The following MAGOH variants were observed in gnomAD, a reference collection of about 807,000 sequenced individuals.
The protein encoded by MAGOH is protein mago nashi homolog.
In MAGOH, 3 loss-of-function variants were observed where a neutral mutation model predicts 20.9. That is an observed-to-expected ratio of 0.14 (90% confidence interval 0.07 to 0.37). The LOEUF is 0.37. Ranked by LOEUF, MAGOH falls within the 10% of genes least tolerant of loss-of-function variation. The pLI, the probability that MAGOH is intolerant of heterozygous loss-of-function variation, is 1.00. For missense variants in MAGOH, 66 were observed against 178.1 expected (o/e 0.37, Z 3.58); for synonymous variants, 51 against 61.0 (o/e 0.84, Z 0.76).
rs1645598380 is a variant in MAGOH at position 53,233,865 on chromosome 1, T to A, written c.148-213A>T. On this transcript the variant is annotated intron_variant, in intron 2 of 4. Coordinates refer to ENST00000371470, the MANE Select transcript of MAGOH (RefSeq NM_002370.4). Reference sequence around the variant, plus strand: ...GCACCTCAGTCCCCTATCTAGCTGTTACTACCTCCTGGTACATCCTGTTCA... The same window carrying A: ...GCACCTCAGTCCCCTATCTAGCTGTAACTACCTCCTGGTACATCCTGTTCA... 1.3e-5 allele frequency: 6 copies of A among 460,712 alleles called. No individual in the cohort carries two copies. The East Asian group carries it at 2.4e-4, about 18-fold the overall frequency. 28.5% of individuals were successfully genotyped at this position (460,712 alleles called of 1,614,324 possible).
In MAGOH at chr1:53,233,659, G is replaced by GC. The variant is rs756467865; in HGVS notation, c.148-8dup. 1.3e-6 allele frequency: 2 copies of GC among 1,579,610 alleles called. No homozygotes were observed. The highest frequency in any genetic ancestry group is 1.1e-5 in the South Asian group (1 of 89,880). On this transcript the variant is annotated splice_region_variant and splice_polypyrimidine_tract_variant and intron_variant, in intron 2 of 4. Transcript: ENST00000371470. ...CGCTTTTATGTACATAAGCCTGAAC[G>GC]CAAGTTAAAAAACAAAATGTATGTT...
Position 53,235,572 on chromosome 1 carries a change from C to A in MAGOH, c.147+5G>T. 6.2e-7 allele frequency: 1 copy of A among 1,613,388 alleles called. No individual in the cohort carries two copies. Among genetic ancestry groups the A allele is most frequent in the Non-Finnish European group, 8.5e-7 (1 of 1,179,480 alleles). ...AAGGACTCTCAGAAGGCAGAAGGCT[C>A]ATACCTCTTTTCTGATCATGACATC... On this transcript the variant is annotated splice_donor_5th_base_variant and intron_variant, in intron 2 of 4. Transcript: ENST00000371470.
intron 3 of MAGOH, among the ~76,000 whole-genome samples, chr1:53,231,766 G>T (rs1645587824): frequency 6.6e-6 from 1 of 152,006 alleles, no homozygotes; most frequent in Non-Finnish European, 1.5e-5. Flanking sequence ...GATTTTCCAT[G>T]AATTTAATGC....
intron 1 of MAGOH, among the ~76,000 whole-genome samples, chr1:53,235,961 C>A (rs1370352305): frequency 6.6e-6 from 1 of 152,196 alleles, no homozygotes; most frequent in East Asian, 1.9e-4. Context: ...TAACTGATAA[C>A]TTACCGACAC....
intron 3 of MAGOH, among the ~76,000 whole-genome samples, chr1:53,229,995 A>C (rs1365722310): frequency 1.3e-5 from 2 of 152,140 alleles, no homozygotes; most frequent in Non-Finnish European, 2.9e-5. Context: ...TTTGATCCCC[A>C]CTTTGTCACT....
At chr1:53,228,069 C>T (rs1191203652) in intron 4 of MAGOH, among the ~76,000 whole-genome samples, 1 of 152,180 alleles carries the variant, frequency 6.6e-6, no homozygotes, top group Non-Finnish European at 1.5e-5. Flanking sequence ...ACTTGATAAT[C>T]TGCCCCACTG....
chr1:53,234,901 G>A (rs111408142), intron 2 of MAGOH, among the ~76,000 whole-genome samples: 16 of 152,230 alleles, frequency 1.1e-4, no homozygotes, highest in South Asian at 1.0e-3. Context: ...ATCACAGAAC[G>A]GAGAATACAA....
intron 2 of MAGOH, among the ~76,000 whole-genome samples, chr1:53,234,999 C>T (rs1645604694): frequency 6.6e-6 from 1 of 152,088 alleles, no homozygotes; most frequent in Non-Finnish European, 1.5e-5. Flanking sequence ...ATACCTGGGC[C>T]TTTATTTTCT....
intron 1 of MAGOH, 70 bp downstream of exon 1, chr1:53,238,291 C>T: frequency 7.0e-7 from 1 of 1,425,642 alleles, no homozygotes. Flanking sequence ...AGATTTCCGA[C>T]CCTCGGCCTC....
rs748336839 is a variant in MAGOH, at chr1:53,227,041, CA to C, written c.*3del. 1.4e-6 allele frequency: 1 copy of C among 704,990 alleles called. No individual in the cohort carries two copies. The highest frequency in any genetic ancestry group is 1.6e-5 in the South Asian group (1 of 64,298). 43.7% of individuals were successfully genotyped at this position (704,990 alleles called of 1,614,324 possible). A position where few individuals can be genotyped will look rare whatever the true frequency, so the allele number is the denominator to read the frequency against. On this transcript the variant is annotated 3_prime_UTR_variant, in exon 5 of 5. Coordinates refer to ENST00000371470, the MANE Select transcript of MAGOH (RefSeq NM_002370.4). The stretch of plus-strand genomic sequence containing the variant: ...CACCCCCCATGTCCACACCAATATT[CA>C]GTCTAGATTGGTTTAATCTTGAAGT...
chr1:53,237,935 G>C (rs1245653315), intron 1 of MAGOH, among the ~76,000 whole-genome samples: 1 of 152,018 alleles, frequency 6.6e-6, no homozygotes, highest in Non-Finnish European at 1.5e-5. Context: ...ATTAGGACTC[G>C]GCTGCAATAT....
Position 53,238,370 on chromosome 1 carries a change from G to C in MAGOH, c.79C>G (p.Arg27Gly). ...FGHEFLEFEFRPDGKLRYANN... is the reference protein window; with the variant it reads ...FGHEFLEFEFGPDGKLRYANN... Reference sequence around the variant, plus strand: ...GGCAGGCTGCTTTTACCGTCCGGTCGAAACTCAAACTCCAGGAACTCGTGG... The same window carrying C: ...GGCAGGCTGCTTTTACCGTCCGGTCCAAACTCAAACTCCAGGAACTCGTGG... Residue 27 changes from arginine (R) to glycine (G), a missense_variant, in exon 1 of 5, where the codon CGA (arginine) becomes GGA (glycine). By Grantham distance (125) the Arg-to-Gly change is moderately radical. Coordinates refer to ENST00000371470, the MANE Select transcript of MAGOH (RefSeq NM_002370.4). 6.2e-7 allele frequency: 1 copy of C among 1,614,088 alleles called. No homozygotes were observed. The highest frequency in any genetic ancestry group is 8.5e-7 in the Non-Finnish European group (1 of 1,179,948).
chr1:53,238,091 T>G (rs1645622308), intron 1 of MAGOH, among the ~76,000 whole-genome samples: 1 of 152,210 alleles, frequency 6.6e-6, no homozygotes, highest in Admixed American at 6.5e-5. Context: ...AAAACACAAG[T>G]TCCACGAGAG....
At chr1:53,233,850 C>T (rs1271430239) in intron 2 of MAGOH, 198 bp from the exon 3 acceptor site, 1 of 505,152 alleles carries the variant, frequency 2.0e-6, no homozygotes, top group African/African-American at 1.9e-5. Context: ...GCACCTCAGT[C>T]CCCTATCTAG....
chr1:53,236,949 CTTTTTTT>C (rs55693928), intron 1 of MAGOH, among the ~76,000 whole-genome samples: 1 of 128,038 alleles, frequency 7.8e-6, no homozygotes, highest in African/African-American at 2.8e-5. Flanking sequence ...CAACCAGTAT[CTTTTTTT>C]TTTTTTTTTT....
At chr1:53,229,780 G>A (rs1053463259) in intron 3 of MAGOH, among the ~76,000 whole-genome samples, 7 of 152,142 alleles carry the variant, frequency 4.6e-5, no homozygotes, top group Non-Finnish European at 8.8e-5. Context: ...CTAGCTGGGT[G>A]TGGTGGTGTG....
chr1:53,227,450 G>T (rs895556498), intron 4 of MAGOH, among the ~76,000 whole-genome samples: 2 of 152,138 alleles, frequency 1.3e-5, no homozygotes, highest in African/African-American at 4.8e-5. Context: ...TAAACTTGTG[G>T]ATGATTTTCC....
At chr1:53,235,705 G>GC in intron 1 of MAGOH, 70 bp from the exon 2 acceptor site, 1 of 1,286,412 alleles carries the variant, frequency 7.8e-7, no homozygotes, top group Non-Finnish European at 1.1e-6. Flanking sequence ...CCATGCCAAG[G>GC]CATCAGCAGT....
intron 2 of MAGOH, among the ~76,000 whole-genome samples, chr1:53,234,207 CAG>C (rs1645600181): frequency 6.6e-6 from 1 of 152,130 alleles, no homozygotes; most frequent in Non-Finnish European, 1.5e-5. Context: ...GTTGTGGAAG[CAG>C]AGACTGGGCC....
Sources: gnomAD v4.1 joint callset for allele counts (sites outside exome capture counted in the v4.1 genomes callset) on GRCh38, gnomAD v4.1.1 for gene constraint, MANE v1.5 for transcripts, NCBI Gene and HGNC (gene_info 2026-07-23, HGNC 2026-07-21) for gene names.